The following GYS2 variants were observed in gnomAD, a reference collection of about 807,000 sequenced individuals.
The protein encoded by GYS2 is glycogen synthase 2, also known as glycogen [starch] synthase, liver.
A neutral mutation model predicts 85.6 loss-of-function variants in GYS2; 80 were observed. The ratio of observed to expected loss-of-function variants is 0.93; its 90% CI spans 0.78 to 1.13. GYS2 has a LOEUF of 1.13. Among genes scored for constraint, GYS2 ranks in the 50% most tolerant of loss-of-function variants. The pLI is 0.00. For synonymous variants in GYS2, 328 were observed against 300.7 expected, an observed-to-expected ratio of 1.09 and a Z score of -0.94; for missense variants, 881 against 854.9, an observed-to-expected ratio of 1.03 and a Z score of -0.38.
chr12:21,598,721 T>C (rs1422404481), intron 1 of GYS2, among the ~76,000 whole-genome samples: 3 of 152,270 alleles, frequency 2.0e-5, no homozygotes, highest in Non-Finnish European at 4.4e-5. Flanking sequence ...ATAAATGGTT[T>C]TATTCTGACA....
chr12:21,542,406 A>G, intron 13 of GYS2, 90 bp downstream of exon 13: 1 of 825,538 alleles, frequency 1.2e-6, no homozygotes, highest in South Asian at 1.3e-5. Context: ...TTATCAGGAT[A>G]GCTTTAGAGT....
chr12:21,561,214 A>T (rs1443129201), intron 7 of GYS2, among the ~76,000 whole-genome samples: 1 of 152,222 alleles, frequency 6.6e-6, no homozygotes, highest in Non-Finnish European at 1.5e-5. Context: ...ATTTTCTCTG[A>T]GTCCTATAAC....
At chr12:21,595,365 G>A (rs928892821) in intron 1 of GYS2, among the ~76,000 whole-genome samples, 5 of 152,164 alleles carry the variant, frequency 3.3e-5, no homozygotes, top group Non-Finnish European at 7.4e-5. Flanking sequence ...AGTGGGAAAG[G>A]GAGATCCTCC....
chr12:21,542,588 T>G lies in GYS2; in HGVS notation c.1553A>C (p.Glu518Ala), dbSNP rs150433001. The G allele has an allele frequency of 2.5e-3, 4,012 of 1,610,254 alleles. 6 individuals are homozygous for G. The highest frequency in any genetic ancestry group is 2.8e-3 in the Non-Finnish European group (3,296 of 1,176,554). ...YYEPWGYTPA[E>A]CTVMGIPSVT... is the part of the protein sequence containing the mutation. ...ACTGGGGATACCCATCACAGTGCAT[T>G]CAGCTGCCAGGGGAAATAGACCAAA... The change falls in exon 13 of 16, where the codon GAA (glutamate) becomes GCA (alanine). Residue 518 changes from glutamate to alanine, a missense_variant. By Grantham distance (107) the Glu-to-Ala change is moderately radical. Transcript: ENST00000261195.
chr12:21,594,116 A>G (rs1944669697), intron 1 of GYS2, among the ~76,000 whole-genome samples: 1 of 152,178 alleles, frequency 6.6e-6, no homozygotes, highest in African/African-American at 2.4e-5. Context: ...AATAAAAGTC[A>G]TATATGACAA....
intron 1 of GYS2, among the ~76,000 whole-genome samples, chr12:21,586,022 C>T (rs1394857687): frequency 6.6e-6 from 1 of 152,130 alleles, no homozygotes; most frequent in Non-Finnish European, 1.5e-5. Context: ...ATGGTTAATA[C>T]TGAGTGTCAA....
intron 4 of GYS2, among the ~76,000 whole-genome samples, chr12:21,570,807 A>G (rs1944376530): frequency 6.6e-6 from 1 of 152,226 alleles, no homozygotes; most frequent in South Asian, 2.1e-4. Flanking sequence ...GTAAACAAGA[A>G]AAGCCACTCT....
At chr12:21,539,381 G>C (rs748713031) in intron 14 of GYS2, 43 bp from the exon 15 acceptor site, 1 of 1,026,684 alleles carries the variant, frequency 9.7e-7, no homozygotes, top group East Asian at 2.4e-5. Flanking sequence ...AAAACCCTTA[G>C]ATATCTCAAT....
chr12:21,558,171 A>T (rs761325469), intron 11 of GYS2, 29 bp downstream of exon 11: 2 of 1,245,482 alleles, frequency 1.6e-6, no homozygotes, highest in Non-Finnish European at 2.4e-6. Flanking sequence ...AGTAAGTTTA[A>T]AGTTCGCCAC....
chr12:21,577,933 C>A (rs1252064536), intron 2 of GYS2, among the ~76,000 whole-genome samples: 1 of 152,146 alleles, frequency 6.6e-6, no homozygotes, highest in African/African-American at 2.4e-5. Context: ...TTATCCTAAG[C>A]AACTTCAAAG....
At chr12:21,542,661 GA>G in intron 12 of GYS2, 70 bp from the exon 13 acceptor site, 1 of 943,094 alleles carries the variant, frequency 1.1e-6, no homozygotes, top group Non-Finnish European at 1.7e-6. Context: ...CTCAGAGGAG[GA>G]AAAGGCCCTA....
chr12:21,564,093 T>C (rs1329069771), intron 5 of GYS2, among the ~76,000 whole-genome samples: 3 of 152,138 alleles, frequency 2.0e-5, no homozygotes, highest in Non-Finnish European at 4.4e-5. Context: ...ACTCTGAGCA[T>C]ATGACGGAAA....
At chr12:21,562,189 G>A (rs1230791838) in intron 7 of GYS2, among the ~76,000 whole-genome samples, 2 of 152,276 alleles carry the variant, frequency 1.3e-5, no homozygotes, top group Non-Finnish European at 2.9e-5. Context: ...ATGGTTGGGA[G>A]TAAGAACCTT....
At chr12:21,538,018 G>A (rs1268424345) in intron 15 of GYS2, among the ~76,000 whole-genome samples, 1 of 152,166 alleles carries the variant, frequency 6.6e-6, no homozygotes, top group Non-Finnish European at 1.5e-5. Context: ...TACAACAAAA[G>A]AACTGAGTTC....
At chr12:21,574,004 C>A (rs941902328) in intron 4 of GYS2, 140 bp downstream of exon 4, 2 of 715,772 alleles carry the variant, frequency 2.8e-6, no homozygotes. Flanking sequence ...CCAAGGGAAG[C>A]TTTGTCATGA....
intron 1 of GYS2, among the ~76,000 whole-genome samples, chr12:21,587,455 C>T (rs1174986145): frequency 6.6e-6 from 1 of 152,088 alleles, no homozygotes; most frequent in African/African-American, 2.4e-5. Flanking sequence ...ATGCTCTTCT[C>T]GTGATAGTGA....
At chr12:21,584,525 G>T (rs1159871569) in intron 1 of GYS2, among the ~76,000 whole-genome samples, 1 of 152,194 alleles carries the variant, frequency 6.6e-6, no homozygotes, top group African/African-American at 2.4e-5. Flanking sequence ...TTGCAGGGAT[G>T]GAAGTTATGC....
chr12:21,546,333 A>C lies in GYS2; in HGVS notation c.1549+11T>G. ...ATTCAAAACATTCCACACTCTATAC[A>C]TGACACATACCTGGAGTATAACCCC... is the stretch of plus-strand genomic sequence containing the variant. On this transcript the variant is annotated intron_variant, in intron 12 of 15. Transcript: ENST00000261195. 1 of 1,586,926 alleles carries C rather than the reference A, an allele frequency of 6.3e-7. No homozygotes were observed. The highest frequency in any genetic ancestry group is 8.6e-7 in the Non-Finnish European group (1 of 1,156,074).
intron 1 of GYS2, among the ~76,000 whole-genome samples, chr12:21,587,529 G>A (rs562627551): frequency 6.6e-6 from 1 of 152,084 alleles, no homozygotes; most frequent in African/African-American, 2.4e-5. Flanking sequence ...ACTTCTACTT[G>A]CTGCTGCCAT....
Sources: allele counts gnomAD v4.1 joint callset (sites outside exome capture counted in the v4.1 genomes callset), GRCh38; gene constraint gnomAD v4.1.1; transcripts MANE v1.5; gene names NCBI Gene and HGNC (gene_info 2026-07-23, HGNC 2026-07-21).